MEGF6: variants seen among roughly 807,000 people sequenced by gnomAD.
MEGF6 encodes multiple EGF like domains 6.
A neutral mutation model predicts 207.1 loss-of-function variants in MEGF6; 184 were observed. The ratio of observed to expected loss-of-function variants is 0.89; its 90% CI spans 0.79 to 1.00. MEGF6 has a LOEUF of 1.00. MEGF6 is among the 50% of genes least tolerant of loss of function. The pLI is 0.00. For synonymous variants in MEGF6, 1,038 were observed against 910.0 expected (o/e 1.14, Z -2.53); for missense variants, 2,282 against 2,202.9 (o/e 1.04, Z -0.72).
At chr1:3,584,907 C>T (rs953680163) in intron 3 of MEGF6, among the ~76,000 whole-genome samples, 1 of 152,248 alleles carries the variant, frequency 6.6e-6, no homozygotes, top group African/African-American at 2.4e-5. Flanking sequence ...TAAGGCGTCA[C>T]GGGGCTCCCC....
chr1:3,555,109 C>T (rs1300820544), intron 4 of MEGF6, among the ~76,000 whole-genome samples: 1 of 152,230 alleles, frequency 6.6e-6, no homozygotes, highest in Non-Finnish European at 1.5e-5. Flanking sequence ...ACCAGGCCAA[C>T]ACCCCACGCA....
Position 3,493,531 on chromosome 1 carries a change from G to A in MEGF6, c.4387+240C>T, listed in dbSNP as rs144127171. On this transcript the variant is annotated intron_variant, in intron 34 of 36. Transcript: ENST00000356575. ...CCCTCCCATGACCATGGCCTTCCTG[G>A]GACGTTGTGGGGGCCACACGGCAGG... is the stretch of plus-strand genomic sequence containing the variant. 560 of 575,184 alleles carry A rather than the reference G, an allele frequency of 9.7e-4. 7 individuals are homozygous for A. The highest frequency in any genetic ancestry group is 8.6e-3 in the African/African-American group (454 of 52,828). 35.6% of individuals were successfully genotyped at this position (575,184 alleles called of 1,614,324 possible).
rs867707649 is a variant in MEGF6 at position 3,583,286 on chromosome 1, C to G, written c.377-3357G>C. The stretch of plus-strand genomic sequence containing the variant: ...TGACAACCCACAGCCACCAGACAAC[C>G]CACAGCCACCAGACAACGCGCAGCC... On this transcript the variant is annotated intron_variant, in intron 3 of 36. Coordinates refer to ENST00000356575, the MANE Select transcript of MEGF6 (RefSeq NM_001409.4). Among the ~76,000 whole-genome samples the G allele has an allele frequency of 6.8e-3, 1,014 of 149,014 alleles. 1 individual carries two copies. The highest frequency in any genetic ancestry group is 0.01 in the Non-Finnish European group (697 of 67,154).
chr1:3,598,076 C>T (rs559447945), intron 2 of MEGF6, among the ~76,000 whole-genome samples: 187 of 152,326 alleles, frequency 1.2e-3, no homozygotes, highest in African/African-American at 4.3e-3. Flanking sequence ...GCCCTGCAGC[C>T]TGCAGACCCC....
rs74048639 is a variant in MEGF6 at position 3,577,167 on chromosome 1, C to T, written c.481+2658G>A. Among the ~76,000 whole-genome samples the T allele has an allele frequency of 8.8e-3, 1,335 of 152,304 alleles. 21 individuals carry two copies. The highest frequency in any genetic ancestry group is 0.031 in the African/African-American group (1,278 of 41,566). ...CCCCTTCTTCCGAGAGAGTGACCAG[C>T]GAGGAGGCCGGGCAGCCACCCTCCA... On this transcript the variant is annotated intron_variant, in intron 4 of 36. Coordinates refer to ENST00000356575, the MANE Select transcript of MEGF6 (RefSeq NM_001409.4).
At chr1:3,590,335 A>G (rs1643956010) in intron 3 of MEGF6, among the ~76,000 whole-genome samples, 1 of 152,156 alleles carries the variant, frequency 6.6e-6, no homozygotes, top group Non-Finnish European at 1.5e-5. Flanking sequence ...AGGGTCTGGG[A>G]AAAACCTGGC....
chr1:3,572,634 C>T (rs1326294590), intron 4 of MEGF6, among the ~76,000 whole-genome samples: 1 of 149,302 alleles, frequency 6.7e-6, no homozygotes, highest in Non-Finnish European at 1.5e-5. Context: ...CTGGGTCCTT[C>T]CTGGGTGTGC....
At chr1:3,568,756 G>A (rs1392618745) in intron 4 of MEGF6, among the ~76,000 whole-genome samples, 2 of 152,124 alleles carry the variant, frequency 1.3e-5, no homozygotes, top group Non-Finnish European at 2.9e-5. Flanking sequence ...GAGCACCGCA[G>A]GGGACACCTG....
rs553968685 is a variant in MEGF6, at chr1:3,505,614, G to A, written c.1919-58C>T. The stretch of plus-strand genomic sequence containing the variant: ...GTCTGAAGCCCCACCCTCCCAGACC[G>A]CTTCCACCAGCCCTGGGTCAGCCAG... On this transcript the variant is annotated intron_variant, in intron 15 of 36. Transcript: ENST00000356575. 1.5e-3 allele frequency: 2,240 copies of A among 1,481,336 alleles called. 3 individuals are homozygous for A. The highest frequency in any genetic ancestry group is 1.9e-3 in the Non-Finnish European group (2,124 of 1,116,736). 91.8% of individuals were successfully genotyped at this position (1,481,336 alleles called of 1,614,324 possible). A position where few individuals can be genotyped will look rare whatever the true frequency, so the allele number is the denominator to read the frequency against.
At chr1:3,504,496 C>T (rs915351100) in intron 17 of MEGF6, among the ~76,000 whole-genome samples, 2 of 152,004 alleles carry the variant, frequency 1.3e-5, no homozygotes, top group Non-Finnish European at 2.9e-5. Flanking sequence ...ATTGCACCTC[C>T]CGCCAGTGCA....
chr1:3,498,274 GC>G, intron 26 of MEGF6, 96 bp downstream of exon 26: 1 of 1,417,988 alleles, frequency 7.1e-7, no homozygotes. Flanking sequence ...CCCTGGTGAG[GC>G]CCCAAACCGG....
intron 4 of MEGF6, among the ~76,000 whole-genome samples, chr1:3,546,785 C>G (rs13374309): frequency 0.26 from 29,393 of 111,106 alleles, 6,990 homozygotes; most frequent in African/African-American, 0.63. Context: ...GTGGCAATGG[C>G]CTGGGAAGGG....
chr1:3,584,996 G>T (rs1334128128), intron 3 of MEGF6, among the ~76,000 whole-genome samples: 1 of 152,294 alleles, frequency 6.6e-6, no homozygotes, highest in Non-Finnish European at 1.5e-5. Context: ...GGATGGAGCT[G>T]CAGCCATGAA....
intron 31 of MEGF6, 35 bp downstream of exon 31, chr1:3,494,578 G>A: frequency 6.4e-7 from 1 of 1,559,822 alleles, no homozygotes; most frequent in South Asian, 1.2e-5. Flanking sequence ...CCTCCCTGAG[G>A]GGATGCTGGG....
At chr1:3,580,924 G>A (rs1159449218) in intron 3 of MEGF6, among the ~76,000 whole-genome samples, 3 of 152,122 alleles carry the variant, frequency 2.0e-5, no homozygotes, top group African/African-American at 7.2e-5. Context: ...AGCAGGGAGG[G>A]AAGCTCTAGA....
chr1:3,500,069 C>T, intron 21 of MEGF6, 145 bp from the exon 22 acceptor site: 14 of 1,267,766 alleles, frequency 1.1e-5, no homozygotes, highest in Non-Finnish European at 1.5e-5. Flanking sequence ...ACTGGGCTCA[C>T]TCACATGCTT....
intron 5 of MEGF6, among the ~76,000 whole-genome samples, chr1:3,518,849 G>A (rs1641638991): frequency 6.6e-6 from 1 of 152,186 alleles, no homozygotes; most frequent in African/African-American, 2.4e-5. Context: ...GCTGGGGTGC[G>A]TGTTCATCCC....
intron 17 of MEGF6, among the ~76,000 whole-genome samples, 170 bp from the exon 18 acceptor site, chr1:3,502,091 G>GAGTGTGCCCCCCA (rs1640924936): frequency 6.6e-4 from 1 of 1,504 alleles, no homozygotes; most frequent in African/African-American, 2.5e-3. Context: ...GTGCCCCCCC[G>GAGTGTGCCCCCCA]CGCCTCCTCA....
chr1:3,543,939 C>T (rs554320992), intron 4 of MEGF6, among the ~76,000 whole-genome samples: 12 of 152,340 alleles, frequency 7.9e-5, no homozygotes, highest in South Asian at 2.1e-4. Context: ...GGCATAAACA[C>T]GGCCGGCAGC....
Sources: gnomAD v4.1 joint callset for allele counts (sites outside exome capture counted in the v4.1 genomes callset) on GRCh38, gnomAD v4.1.1 for gene constraint, MANE v1.5 for transcripts, NCBI Gene and HGNC (gene_info 2026-07-23, HGNC 2026-07-21) for gene names.